The following SNX27 variants were observed in gnomAD, a reference collection of about 807,000 sequenced individuals.
The protein encoded by SNX27 is sorting nexin-27.
Under a neutral mutation model 71.6 loss-of-function variants are expected in SNX27, and 22 were observed. The observed-to-expected ratio is 0.31, with a 90% CI of 0.22 to 0.44. The LOEUF is 0.44. Ranked by LOEUF, SNX27 falls within the 20% of genes least tolerant of loss-of-function variation. The pLI, the probability that SNX27 is intolerant of heterozygous loss-of-function variation, is 1.00. For synonymous variants in SNX27, 269 were observed against 277.2 expected (o/e 0.97, Z 0.29); for missense variants, 531 against 698.6 (o/e 0.76, Z 2.70).
chr1:151,620,453 A>G (rs1194352354), intron 1 of SNX27, among the ~76,000 whole-genome samples: 2 of 152,258 alleles, frequency 1.3e-5, no homozygotes, highest in Non-Finnish European at 2.9e-5. Flanking sequence ...ACTAAGAACA[A>G]CTAAGCTCTG....
At chr1:151,651,286 C>G (rs1445512603) in intron 2 of SNX27, among the ~76,000 whole-genome samples, 2 of 150,840 alleles carry the variant, frequency 1.3e-5, no homozygotes, top group Non-Finnish European at 3.0e-5. Context: ...GAGGCTGACC[C>G]CCCTACCTCC....
intron 5 of SNX27, among the ~76,000 whole-genome samples, 153 bp from the exon 6 acceptor site, chr1:151,665,780 A>G (rs1670163512): frequency 6.6e-6 from 1 of 152,210 alleles, no homozygotes; most frequent in African/African-American, 2.4e-5. Context: ...ATACATACAA[A>G]GAAGGATAGC....
chr1:151,682,772 T>C (rs1671025381), intron 7 of SNX27, among the ~76,000 whole-genome samples: 1 of 152,144 alleles, frequency 6.6e-6, no homozygotes, highest in Admixed American at 6.5e-5. Flanking sequence ...CGGTGTCTCA[T>C]GCCTGTAATC....
intron 7 of SNX27, among the ~76,000 whole-genome samples, chr1:151,681,233 A>ATTTTTTTTTTT (rs1558071789): frequency 1.1e-4 from 10 of 87,374 alleles, no homozygotes; most frequent in South Asian, 3.7e-4. Context: ...TAGTCTCTCA[A>ATTTTTTTTTTT]TCTTTTTTTT....
intron 1 of SNX27, among the ~76,000 whole-genome samples, chr1:151,627,045 C>T (rs1005725918): frequency 6.6e-6 from 1 of 152,124 alleles, no homozygotes; most frequent in African/African-American, 2.4e-5. Context: ...TTCTTTTAGG[C>T]CATTTCGGCT....
chr1:151,651,606 G>T (rs1425369710), intron 2 of SNX27, among the ~76,000 whole-genome samples: 2 of 151,874 alleles, frequency 1.3e-5, no homozygotes, highest in Non-Finnish European at 2.9e-5. Context: ...CCCAGACGGG[G>T]CGGCGGGGCA....
At chr1:151,618,189 G>T (rs558023216) in intron 1 of SNX27, among the ~76,000 whole-genome samples, 1 of 151,936 alleles carries the variant, frequency 6.6e-6, no homozygotes, top group Admixed American at 6.6e-5. Flanking sequence ...TCATATAAAC[G>T]TCGATAGTGG....
chr1:151,640,673 C>A (rs2102636349), intron 2 of SNX27, among the ~76,000 whole-genome samples: 1 of 152,276 alleles, frequency 6.6e-6, no homozygotes, highest in Middle Eastern at 3.4e-3. Context: ...CTGCGCCCAG[C>A]CCACTAATTG....
At chr1:151,639,347 T>A (rs1340689944) in intron 2 of SNX27, among the ~76,000 whole-genome samples, 1 of 144,616 alleles carries the variant, frequency 6.9e-6, no homozygotes, top group Non-Finnish European at 1.5e-5. Context: ...TCCATTTTAT[T>A]TTTAGATAGT....
intron 7 of SNX27, among the ~76,000 whole-genome samples, chr1:151,681,464 G>A (rs1316222088): frequency 1.3e-5 from 2 of 151,660 alleles, no homozygotes; most frequent in East Asian, 3.9e-4. Context: ...GGATGGTCTC[G>A]ATCTCCTGAC....
Position 151,694,370 on chromosome 1 carries a change from A to G in SNX27, c.1579A>G (p.Asn527Asp). The G allele has an allele frequency of 6.5e-7, 1 of 1,549,906 alleles. No individual in the cohort carries two copies. The highest frequency in any genetic ancestry group is 2.4e-5 in the East Asian group (1 of 40,894). Reference protein sequence around the residue: ...VFCELKWRKENIFQMARSQQR... With the variant: ...VFCELKWRKEDIFQMARSQQR... ...TAACTCTTTTTTTTTTTCCTTTCAG[A>G]ACATTTTCCAGATGGCGAGGTCACA... Residue 527 changes from asparagine (N) to aspartate (D), a missense_variant and splice_region_variant, in exon 12 of 12, where the codon AAC becomes GAC. By Grantham distance (23) the Asn-to-Asp change is conservative. Coordinates refer to ENST00000458013, the MANE Select transcript of SNX27 (RefSeq NM_001330723.2).
chr1:151,693,607 G>A, intron 11 of SNX27, 124 bp downstream of exon 11: 1 of 1,614,066 alleles, frequency 6.2e-7, no homozygotes, highest in South Asian at 1.1e-5. Flanking sequence ...ATTAGTTAGA[G>A]ACTGATTATC....
chr1:151,682,382 C>T (rs1394544302), intron 7 of SNX27, among the ~76,000 whole-genome samples: 2 of 152,130 alleles, frequency 1.3e-5, no homozygotes, highest in African/African-American at 2.4e-5. Flanking sequence ...AGTGCAGTGG[C>T]ATGATCTCAG....
intron 11 of SNX27, chr1:151,693,687 C>G (rs747027217): frequency 1.2e-6 from 2 of 1,611,964 alleles, no homozygotes; most frequent in South Asian, 1.1e-5. Context: ...CAAAAAAGCC[C>G]TGCTTCTTCC....
intron 2 of SNX27, among the ~76,000 whole-genome samples, chr1:151,656,924 A>T (rs1400246638): frequency 6.6e-6 from 1 of 152,208 alleles, no homozygotes; most frequent in Non-Finnish European, 1.5e-5. Flanking sequence ...CTTTAAAATT[A>T]GAATAAAAAT....
chr1:151,681,668 A>G (rs938045345), intron 7 of SNX27, among the ~76,000 whole-genome samples: 1 of 152,184 alleles, frequency 6.6e-6, no homozygotes, highest in African/African-American at 2.4e-5. Flanking sequence ...CTTCAGGTTA[A>G]TTCATGTGGC....
In SNX27 at chr1:151,696,506, GTTCTTTCGTTCTTTCGTTCTTTCT is replaced by G. The variant is rs1252330062; in HGVS notation, c.*2097_*2120del. On this transcript the variant is annotated 3_prime_UTR_variant, in exon 12 of 12. Coordinates refer to ENST00000458013, the MANE Select transcript of SNX27 (RefSeq NM_001330723.2). ...CTTTCTTTCTTTCTTTCTTTCTTTCGTTCTTTCGTTCTTTCGTTCTTTCTTTCTTTCTTTCTTTCTCTTTCTTTC... is the reference window on the plus strand; with the variant it reads ...CTTTCTTTCTTTCTTTCTTTCTTTCGTTCTTTCTTTCTTTCTCTTTCTTTC... 224 of 82,230 alleles carry G rather than the reference GTTCTTTCGTTCTTTCGTTCTTTCT, an allele frequency of 2.7e-3. No homozygotes were observed. The highest frequency in any genetic ancestry group is 0.01 in the African/African-American group (212 of 20,194). 5.1% of individuals were successfully genotyped at this position (82,230 alleles called of 1,614,324 possible).
chr1:151,677,964 G>A (rs1355868363), intron 7 of SNX27: 1 of 152,004 alleles, frequency 6.6e-6, no homozygotes, highest in Non-Finnish European at 1.5e-5. Context: ...AAATTTCTAA[G>A]CCATTTTTAG....
At chr1:151,681,233 A>ATTTTTTTTTTTTTTTTTTTTTTTTTT (rs1558071789) in intron 7 of SNX27, among the ~76,000 whole-genome samples, 1 of 87,374 alleles carries the variant, frequency 1.1e-5, no homozygotes, top group Non-Finnish European at 2.2e-5. Context: ...TAGTCTCTCA[A>ATTTTTTTTTTTTTTTTTTTTTTTTTT]TCTTTTTTTT....
Sources: allele counts gnomAD v4.1 joint callset (sites outside exome capture counted in the v4.1 genomes callset), GRCh38; gene constraint gnomAD v4.1.1; transcripts MANE v1.5; gene names NCBI Gene and HGNC (gene_info 2026-07-23, HGNC 2026-07-21).